The following NLGN4X variants were observed in gnomAD, a reference collection of about 807,000 sequenced individuals.
The protein encoded by NLGN4X is neuroligin 4 X-linked.
Under a neutral mutation model 40.3 loss-of-function variants are expected in NLGN4X, and 3 were observed. The observed-to-expected ratio is 0.07, with a 90% CI of 0.03 to 0.19. The LOEUF (loss-of-function observed/expected upper bound fraction) is 0.19. Among genes scored for constraint, NLGN4X ranks in the 10% least tolerant of loss-of-function variants. The pLI is 1.00. For missense variants in NLGN4X, 382 were observed against 708.3 expected, an observed-to-expected ratio of 0.54 and a Z score of 5.23; for synonymous variants, 270 against 306.8, an observed-to-expected ratio of 0.88 and a Z score of 1.25.
At chrX:6,105,995 T>A (rs907617843) in intron 2 of NLGN4X, among the ~76,000 whole-genome samples, 1 of 111,897 alleles carries the variant, frequency 8.9e-6, no homozygotes, top group Non-Finnish European at 1.9e-5. Flanking sequence ...GGAATGAGTA[T>A]GCTTTTGTGG....
intron 2 of NLGN4X, among the ~76,000 whole-genome samples, chrX:6,140,916 A>T (rs2039937306): frequency 9.0e-6 from 1 of 111,119 alleles, no homozygotes; most frequent in South Asian, 3.9e-4. Flanking sequence ...ACCTCAATAT[A>T]GAATATTAGA....
intron 3 of NLGN4X, among the ~76,000 whole-genome samples, chrX:5,997,563 TAC>T (rs1379406905): frequency 2.4e-5 from 1 of 41,276 alleles, no homozygotes; most frequent in Non-Finnish European, 4.3e-5. Flanking sequence ...TATATAAAAT[TAC>T]ATGTGTGTGT....
At chrX:6,026,682 A>G (rs982122256) in intron 3 of NLGN4X, among the ~76,000 whole-genome samples, 3 of 111,600 alleles carry the variant, frequency 2.7e-5, no homozygotes, top group Admixed American at 9.6e-5. Context: ...GCTGTTCCAC[A>G]CTAGCTCATT....
intron 5 of NLGN4X, among the ~76,000 whole-genome samples, chrX:5,900,457 T>C (rs4603027): frequency 0.13 from 14,539 of 109,439 alleles, 787 homozygotes; most frequent in Non-Finnish European, 0.15. Context: ...CCCTACAGAT[T>C]TGGAGGGAAC....
intron 2 of NLGN4X, among the ~76,000 whole-genome samples, chrX:6,117,260 C>G (rs1309193107): frequency 9.0e-6 from 1 of 110,809 alleles, no homozygotes; most frequent in Non-Finnish European, 1.9e-5. Flanking sequence ...ATTCCTGACT[C>G]TCAACCCTTC....
chrX:6,001,470 T>C (rs1336878786), intron 3 of NLGN4X, among the ~76,000 whole-genome samples: 1 of 112,252 alleles, frequency 8.9e-6, no homozygotes, highest in Non-Finnish European at 1.9e-5. Flanking sequence ...TTAGAGCAAA[T>C]TGCTGACTTA....
chrX:6,088,199 A>G (rs753984703), intron 2 of NLGN4X, among the ~76,000 whole-genome samples: 4 of 112,934 alleles, frequency 3.5e-5, no homozygotes, highest in East Asian at 2.8e-4. Context: ...TGCTCCATGC[A>G]TGGAACATTT....
At chrX:6,031,198 G>A (rs1052323847) in intron 2 of NLGN4X, among the ~76,000 whole-genome samples, 35 of 112,192 alleles carry the variant, frequency 3.1e-4, no homozygotes, top group African/African-American at 1.1e-3. Flanking sequence ...GAGAGGAAAT[G>A]TATTAAAAAG....
Position 5,957,712 on chromosome X carries a change from C to T in NLGN4X, c.626-48473G>A, listed in dbSNP as rs2034536941. ...TTGCCTGGTGAATCTGAGAAATCAA[C>T]GTGTAAGGAACTCACCAATTATGCA... is the stretch of plus-strand genomic sequence containing the variant. On this transcript the variant is annotated intron_variant, in intron 3 of 5. Transcript: ENST00000381095. Among the ~76,000 whole-genome samples, 5 of 111,362 alleles carry T rather than the reference C, an allele frequency of 4.5e-5. No individual in the cohort carries two copies. The Admixed American group carries it at 4.8e-4, about 11-fold the overall frequency.
At position 6,096,517 on chromosome X, in the gene NLGN4X, T is replaced by C. The variant is rs765817816; in HGVS notation, c.472+54478A>G. Among the ~76,000 whole-genome samples the C allele has an allele frequency of 2.6e-4, 29 of 111,978 alleles. No homozygotes were observed. The South Asian group carries it at 9.5e-3, about 37-fold the overall frequency. On this transcript the variant is annotated intron_variant, in intron 2 of 5. Transcript: ENST00000381095. ...GGTACAACATCTCCCAGCACAATAATTGAATTCGCAATGCAGCTGAGTTGT... is the reference window on the plus strand; with the variant it reads ...GGTACAACATCTCCCAGCACAATAACTGAATTCGCAATGCAGCTGAGTTGT...
chrX:6,212,202 G>A (rs969750012), intron 1 of NLGN4X, among the ~76,000 whole-genome samples: 1 of 106,079 alleles, frequency 9.4e-6, no homozygotes, highest in African/African-American at 3.5e-5. Context: ...CCAAGGTCGC[G>A]CCACTGCACT....
intron 2 of NLGN4X, among the ~76,000 whole-genome samples, chrX:6,040,197 C>T (rs1017922498): frequency 9.0e-5 from 10 of 111,653 alleles, no homozygotes; most frequent in Non-Finnish European, 1.7e-4. Flanking sequence ...ACCTCAGCCT[C>T]CCAAAGTGCT....
chrX:6,116,303 A>AAAAAAAAAAC (rs2039286222), intron 2 of NLGN4X, among the ~76,000 whole-genome samples: 1 of 101,173 alleles, frequency 9.9e-6, no homozygotes, highest in Admixed American at 1.1e-4. Context: ...AAAAAAAAAA[A>AAAAAAAAAAC]AAAAAAAAAA....
intron 2 of NLGN4X, among the ~76,000 whole-genome samples, chrX:6,082,772 G>A (rs1278389283): frequency 1.8e-5 from 2 of 108,870 alleles, no homozygotes; most frequent in East Asian, 5.8e-4. Flanking sequence ...AAGGGTGGGT[G>A]TGCTGAGGGA....
chrX:5,944,058 C>G (rs1324884286), intron 3 of NLGN4X, among the ~76,000 whole-genome samples: 1 of 112,055 alleles, frequency 8.9e-6, no homozygotes, highest in Non-Finnish European at 1.9e-5. Context: ...GCTCAGATTA[C>G]CTGGCTTGGA....
chrX:6,130,363 G>A (rs1487881872), intron 2 of NLGN4X, among the ~76,000 whole-genome samples: 1 of 111,599 alleles, frequency 9.0e-6, no homozygotes, highest in African/African-American at 3.3e-5. Flanking sequence ...TACTGTTGTT[G>A]TTACTATAAA....
At chrX:6,177,163 A>C (rs1194836140) in intron 1 of NLGN4X, among the ~76,000 whole-genome samples, 3 of 111,150 alleles carry the variant, frequency 2.7e-5, no homozygotes, top group Non-Finnish European at 5.7e-5. Flanking sequence ...TTTTTGTTTG[A>C]TTGTTTTGTT....
At position 6,026,550 on chromosome X, in the gene NLGN4X, T is replaced by C. The variant is rs2036698977; in HGVS notation, c.625+2730A>G. Among the ~76,000 whole-genome samples the C allele has an allele frequency of 2.7e-5, 3 of 111,785 alleles. No homozygotes were observed. The Admixed American group carries it at 2.9e-4, about 11-fold the overall frequency. The stretch of plus-strand genomic sequence containing the variant: ...CTAGCTGTTTTCAAGAGGACAATAG[T>C]AAATGCAAGATCCATGATAAAAACC... On this transcript the variant is annotated intron_variant, in intron 3 of 5. Transcript: ENST00000381095.
At chrX:5,938,384 G>A (rs1369501645) in intron 3 of NLGN4X, among the ~76,000 whole-genome samples, 2 of 111,076 alleles carry the variant, frequency 1.8e-5, no homozygotes, top group African/African-American at 6.6e-5. Flanking sequence ...GGAGAATTTG[G>A]GGGATGCCTT....
Sources: gnomAD v4.1 joint callset for allele counts (sites outside exome capture counted in the v4.1 genomes callset) on GRCh38, gnomAD v4.1.1 for gene constraint, MANE v1.5 for transcripts, NCBI Gene and HGNC (gene_info 2026-07-23, HGNC 2026-07-21) for gene names.